Variants in MRPS27 observed in about 807,000 individuals in gnomAD.
MRPS27 encodes small ribosomal subunit protein mS27.
A neutral mutation model predicts 48.9 loss-of-function variants in MRPS27; 43 were observed. The observed-to-expected ratio is 0.88, with a 90% CI of 0.69 to 1.13. The LOEUF is 1.13. Ranked by LOEUF, MRPS27 falls within the 50% of genes most tolerant of loss-of-function variation. The pLI is 0.00. For missense variants in MRPS27, 467 were observed against 476.3 expected (o/e 0.98, Z 0.18); for synonymous variants, 188 against 171.9 (o/e 1.09, Z -0.73).
intron 4 of MRPS27, among the ~76,000 whole-genome samples, chr5:72,290,261 G>A (rs964996482): frequency 8.5e-5 from 13 of 152,224 alleles, no homozygotes; most frequent in Admixed American, 6.5e-4. Flanking sequence ...CTCTCTACAA[G>A]ATGAAAAAGG....
chr5:72,229,695 G>A (rs918301766), intron 7 of MRPS27: 13 of 152,602 alleles, frequency 8.5e-5, no homozygotes, highest in African/African-American at 3.1e-4. Flanking sequence ...GTCGAGCAGG[G>A]GTGGTGACAG....
chr5:72,313,673 T>C (rs1282009495), intron 2 of MRPS27, among the ~76,000 whole-genome samples: 2 of 152,116 alleles, frequency 1.3e-5, no homozygotes, highest in Non-Finnish European at 2.9e-5. Context: ...TTCAAACCTG[T>C]CACCTGGTAA....
intron 4 of MRPS27, among the ~76,000 whole-genome samples, chr5:72,290,664 A>G (rs1286487403): frequency 6.6e-6 from 1 of 152,230 alleles, no homozygotes; most frequent in Non-Finnish European, 1.5e-5. Context: ...AGTAAAGCAA[A>G]GGTAGGAACC....
intron 2 of MRPS27, among the ~76,000 whole-genome samples, chr5:72,306,435 C>T (rs901890010): frequency 6.6e-6 from 1 of 152,158 alleles, no homozygotes; most frequent in African/African-American, 2.4e-5. Flanking sequence ...CCCCTTTCTC[C>T]AACTACCAGT....
chr5:72,302,901 G>A (rs1750159304), intron 2 of MRPS27, among the ~76,000 whole-genome samples: 1 of 152,208 alleles, frequency 6.6e-6, no homozygotes, highest in African/African-American at 2.4e-5. Context: ...ACCCTAAAAA[G>A]TAAACAACCG....
chr5:72,308,287 G>GC lies in MRPS27; in HGVS notation c.151+5793dup, dbSNP rs565786906. On this transcript the variant is annotated intron_variant, in intron 2 of 10. Transcript: ENST00000261413. Reference sequence around the variant, plus strand: ...AACCTCTCTCTCGCCGTACTCCCCGGCAGGGCACGGCTCAGGGGAGACGGC... The same window carrying GC: ...AACCTCTCTCTCGCCGTACTCCCCGGCCAGGGCACGGCTCAGGGGAGACGGC... 1.1e-4 allele frequency among the ~76,000 whole-genome samples: 16 copies of GC among 152,334 alleles called. No homozygotes were observed. The South Asian group carries it at 3.3e-3, about 32-fold the overall frequency.
At chr5:72,312,783 G>C (rs1239305661) in intron 2 of MRPS27, among the ~76,000 whole-genome samples, 1 of 151,790 alleles carries the variant, frequency 6.6e-6, no homozygotes, top group Admixed American at 6.6e-5. Context: ...ACTGCGCCCG[G>C]CTAATTTTTG....
At chr5:72,255,447 A>G (rs1748776264) in intron 4 of MRPS27, among the ~76,000 whole-genome samples, 1 of 152,092 alleles carries the variant, frequency 6.6e-6, no homozygotes, top group Non-Finnish European at 1.5e-5. Flanking sequence ...TTAAGTCAGT[A>G]CCACCCTTTT....
chr5:72,266,155 T>C (rs896824803), intron 4 of MRPS27, among the ~76,000 whole-genome samples: 3 of 152,080 alleles, frequency 2.0e-5, no homozygotes, highest in African/African-American at 4.8e-5. Context: ...AAGTTAATCA[T>C]GAAGAATAAC....
rs1748197895 is a variant in MRPS27 at position 72,236,332 on chromosome 5, T to TA, written c.396+1681dup. Among the ~76,000 whole-genome samples, 4 of 152,090 alleles carry TA rather than the reference T, an allele frequency of 2.6e-5. No homozygotes were observed. The South Asian group carries it at 8.3e-4, about 32-fold the overall frequency. ...CTGATTTACTACAACCCACTTGACTTAGAGTTGAAAAAACTAAGAGCTAGA... is the reference window on the plus strand; with the variant it reads ...CTGATTTACTACAACCCACTTGACTTAAGAGTTGAAAAAACTAAGAGCTAGA... On this transcript the variant is annotated intron_variant, in intron 5 of 10. Transcript: ENST00000261413.
intron 2 of MRPS27, among the ~76,000 whole-genome samples, chr5:72,298,523 G>C (rs1750039812): frequency 1.3e-5 from 2 of 151,818 alleles, no homozygotes; most frequent in African/African-American, 4.8e-5. Context: ...TGGCTAACAA[G>C]GTGAAACCCC....
chr5:72,227,874 C>T (rs1747943950), intron 8 of MRPS27: 1 of 232,198 alleles, frequency 4.3e-6, no homozygotes, highest in Non-Finnish European at 8.3e-6. Context: ...AAGTTCAACT[C>T]TAACTCTTAA....
intron 4 of MRPS27, among the ~76,000 whole-genome samples, chr5:72,265,048 G>C (rs1392093793): frequency 1.3e-5 from 2 of 152,180 alleles, no homozygotes; most frequent in Admixed American, 1.3e-4. Flanking sequence ...TGCGGCTTAA[G>C]GCAGCAACAA....
At chr5:72,247,029 T>C (rs1235929765) in intron 4 of MRPS27, among the ~76,000 whole-genome samples, 2 of 152,240 alleles carry the variant, frequency 1.3e-5, no homozygotes, top group Non-Finnish European at 2.9e-5. Flanking sequence ...TGTTTAACTT[T>C]GGAAAGTCAC....
chr5:72,297,584 G>T lies in MRPS27; in HGVS notation c.222+48C>A, dbSNP rs781327200. ...CCTCATCTACATGAAGGGCCTTTCTGGCTTTCTTCCTTGTTCTTGGAAAAT... is the reference window on the plus strand; with the variant it reads ...CCTCATCTACATGAAGGGCCTTTCTTGCTTTCTTCCTTGTTCTTGGAAAAT... On this transcript the variant is annotated intron_variant, in intron 3 of 10. Transcript: ENST00000261413. The T allele has an allele frequency of 3.8e-5, 48 of 1,249,606 alleles. No individual in the cohort carries two copies. The Admixed American group carries it at 8.6e-4, about 22-fold the overall frequency. 77.4% of individuals were successfully genotyped at this position (1,249,606 alleles called of 1,614,324 possible). A position where few individuals can be genotyped will look rare whatever the true frequency, so the allele number is the denominator to read the frequency against.
intron 4 of MRPS27, among the ~76,000 whole-genome samples, chr5:72,271,765 T>C (rs1749247783): frequency 6.6e-6 from 1 of 152,214 alleles, no homozygotes; most frequent in African/African-American, 2.4e-5. Flanking sequence ...TCAGTATTAA[T>C]AAATAATACC....
At position 72,219,474 on chromosome 5, in the gene MRPS27, A is replaced by G. The variant is rs1194364970; in HGVS notation, c.*1435T>C. 6.6e-6 allele frequency: 1 copy of G among 152,222 alleles called. No homozygotes were observed. The highest frequency in any genetic ancestry group is 1.5e-5 in the Non-Finnish European group (1 of 68,046). 9.4% of individuals were successfully genotyped at this position (152,222 alleles called of 1,614,324 possible). A position where few individuals can be genotyped will look rare whatever the true frequency, so the allele number is the denominator to read the frequency against. Reference sequence around the variant, plus strand: ...TACACTCCTCAAAATCATAGTAACAATAATGAGTCCCTCTCCCTCCTCCCT... The same window carrying G: ...TACACTCCTCAAAATCATAGTAACAGTAATGAGTCCCTCTCCCTCCTCCCT... On this transcript the variant is annotated 3_prime_UTR_variant, in exon 11 of 11. Coordinates refer to ENST00000261413, the MANE Select transcript of MRPS27 (RefSeq NM_015084.3).
intron 4 of MRPS27, among the ~76,000 whole-genome samples, chr5:72,292,266 A>T (rs1291333116): frequency 4.3e-5 from 3 of 70,398 alleles, no homozygotes; most frequent in Admixed American, 1.9e-4. Context: ...AATCATTTTT[A>T]GTTCACATTA....
Position 72,251,093 on chromosome 5 carries a change from G to A in MRPS27, c.282-12965C>T, listed in dbSNP as rs552374494. ...AGTCAGCAGCAGCCTCATTCTAAGG[G>A]CCACTGAGTTAAGTATGAACTCTTA... On this transcript the variant is annotated intron_variant, in intron 4 of 10. Transcript: ENST00000261413. Among the ~76,000 whole-genome samples the A allele has an allele frequency of 5.9e-5, 9 of 152,304 alleles. No homozygotes were observed. The East Asian group carries it at 1.7e-3, about 29-fold the overall frequency.
Sources: allele counts gnomAD v4.1 joint callset (sites outside exome capture counted in the v4.1 genomes callset), GRCh38; gene constraint gnomAD v4.1.1; transcripts MANE v1.5; gene names NCBI Gene and HGNC (gene_info 2026-07-23, HGNC 2026-07-21).